The following DENND6A variants were observed in gnomAD, a reference collection of about 807,000 sequenced individuals.
DENND6A encodes protein DENND6A.
A neutral mutation model predicts 95.5 loss-of-function variants in DENND6A; 43 were observed. The observed-to-expected ratio is 0.45, with a 90% CI of 0.35 to 0.58. The LOEUF (loss-of-function observed/expected upper bound fraction) is 0.58. DENND6A is among the 20% of genes least tolerant of loss of function. The pLI is 0.00. For synonymous variants in DENND6A, 257 were observed against 260.4 expected (o/e 0.99, Z 0.13); for missense variants, 574 against 736.0 (o/e 0.78, Z 2.55).
chr3:57,669,157 C>T (rs376476185), intron 3 of DENND6A, among the ~76,000 whole-genome samples: 6 of 152,270 alleles, frequency 3.9e-5, no homozygotes, highest in African/African-American at 1.4e-4. Flanking sequence ...CAGGTGTGAG[C>T]AACTGCACCC....
At chr3:57,691,263 ATC>A (rs113226025) in intron 1 of DENND6A, among the ~76,000 whole-genome samples, 83 of 152,310 alleles carry the variant, frequency 5.4e-4, no homozygotes, top group African/African-American at 1.9e-3. Flanking sequence ...TGGCTTATAA[ATC>A]TCTTACTCAA....
intron 5 of DENND6A, among the ~76,000 whole-genome samples, chr3:57,663,151 C>CAAA (rs754194795): frequency 7.5e-5 from 3 of 40,114 alleles, no homozygotes; most frequent in Admixed American, 3.1e-4. Context: ...AACTCCATAT[C>CAAA]AAAAAAAAAA....
chr3:57,683,109 C>A (rs575389541), intron 1 of DENND6A, among the ~76,000 whole-genome samples: 238 of 152,244 alleles, frequency 1.6e-3, no homozygotes, highest in African/African-American at 5.3e-3. Context: ...CAAATGGTCC[C>A]AGTGCTCCTA....
At chr3:57,680,715 CAAAT>C (rs1464196090) in intron 1 of DENND6A, among the ~76,000 whole-genome samples, 5 of 152,054 alleles carry the variant, frequency 3.3e-5, no homozygotes, top group Non-Finnish European at 7.4e-5. Flanking sequence ...AATAAAAAGA[CAAAT>C]AACCCAATTT....
chr3:57,677,770 T>C (rs935445903), intron 1 of DENND6A, among the ~76,000 whole-genome samples: 1 of 152,274 alleles, frequency 6.6e-6, no homozygotes, highest in South Asian at 2.1e-4. Context: ...GGTTGCTTTT[T>C]TTCCTTGATG....
chr3:57,640,254 G>T (rs184981416), intron 12 of DENND6A, among the ~76,000 whole-genome samples: 1 of 148,154 alleles, frequency 6.7e-6, no homozygotes, highest in East Asian at 2.0e-4. Context: ...GGGTGACAGA[G>T]TGAGACTCTG....
At chr3:57,633,509 T>C (rs1001442336) in intron 14 of DENND6A, among the ~76,000 whole-genome samples, 155 bp from the exon 15 acceptor site, 2 of 152,226 alleles carry the variant, frequency 1.3e-5, no homozygotes, top group African/African-American at 2.4e-5. Flanking sequence ...AAGTTCATTG[T>C]GCAATATCCT....
chr3:57,680,353 G>A (rs1186465696), intron 1 of DENND6A, among the ~76,000 whole-genome samples: 3 of 152,214 alleles, frequency 2.0e-5, no homozygotes, highest in South Asian at 2.1e-4. Context: ...AGGTGATAGC[G>A]GTATTAGGAG....
chr3:57,652,397 G>C (rs908353209), intron 9 of DENND6A, among the ~76,000 whole-genome samples: 1 of 152,208 alleles, frequency 6.6e-6, no homozygotes, highest in South Asian at 2.1e-4. Context: ...GCCTTGTAGG[G>C]AAGCAGACTC....
chr3:57,657,645 A>G, intron 9 of DENND6A, 35 bp downstream of exon 9: 2 of 1,391,766 alleles, frequency 1.4e-6, no homozygotes, highest in Non-Finnish European at 2.0e-6. Context: ...CACAAAGCAA[A>G]AGGAAGTCAG....
At chr3:57,684,762 CAAAT>C (rs1410457701) in intron 1 of DENND6A, among the ~76,000 whole-genome samples, 1 of 152,044 alleles carries the variant, frequency 6.6e-6, no homozygotes. Context: ...GACCCTGTCT[CAAAT>C]AAATAAATAA....
At chr3:57,687,237 T>C (rs1192845689) in intron 1 of DENND6A, among the ~76,000 whole-genome samples, 1 of 152,224 alleles carries the variant, frequency 6.6e-6, no homozygotes, top group Non-Finnish European at 1.5e-5. Context: ...ACAGCCTTAC[T>C]GCTAATGTGG....
At chr3:57,668,006 C>T (rs148882421) in intron 3 of DENND6A, among the ~76,000 whole-genome samples, 20 of 151,674 alleles carry the variant, frequency 1.3e-4, no homozygotes, top group African/African-American at 4.8e-4. Flanking sequence ...GCAGAGGTTG[C>T]AGTGAGCCGA....
At chr3:57,630,691 G>A (rs1404934916) in intron 17 of DENND6A, 24 bp downstream of exon 17, 2 of 1,604,284 alleles carry the variant, frequency 1.2e-6, no homozygotes, top group Non-Finnish European at 1.7e-6. Context: ...ACACATGGGT[G>A]TAAAACAGGG....
At position 57,681,802 on chromosome 3, in the gene DENND6A, A is replaced by G. The variant is rs1274852697; in HGVS notation, c.238-9364T>C. On this transcript the variant is annotated intron_variant, in intron 1 of 19. Coordinates refer to ENST00000311128, the MANE Select transcript of DENND6A (RefSeq NM_152678.3). ...GAACGTATATGATTCCACTCCCATG[A>G]AAAGCATACAGACAGAAGCTTATTA... Among the ~76,000 whole-genome samples, 6 of 152,254 alleles carry G rather than the reference A, an allele frequency of 3.9e-5. No homozygotes were observed. The East Asian group carries it at 1.2e-3, about 29-fold the overall frequency.
At chr3:57,672,774 C>A (rs2071639396) in intron 1 of DENND6A, among the ~76,000 whole-genome samples, 1 of 149,062 alleles carries the variant, frequency 6.7e-6, no homozygotes. Flanking sequence ...CAGAGCAAGA[C>A]CCCGTCTCAA....
At chr3:57,649,608 A>C (rs2071152724) in intron 9 of DENND6A, among the ~76,000 whole-genome samples, 1 of 151,058 alleles carries the variant, frequency 6.6e-6, no homozygotes, top group Admixed American at 6.6e-5. Flanking sequence ...GAACAAGCCC[A>C]AATGCCCATC....
intron 11 of DENND6A, among the ~76,000 whole-genome samples, chr3:57,644,164 A>C (rs114826278): frequency 0.034 from 5,135 of 151,936 alleles, 121 homozygotes; most frequent in Non-Finnish European, 0.046. Context: ...AAAAAAAAAA[A>C]AAACTATCAG....
intron 1 of DENND6A, among the ~76,000 whole-genome samples, chr3:57,690,882 C>T (rs564652834): frequency 1.1e-4 from 16 of 152,250 alleles, no homozygotes; most frequent in Admixed American, 8.5e-4. Flanking sequence ...TACATGATTT[C>T]ATCTTACTCA....
Sources: gnomAD v4.1 joint callset for allele counts (sites outside exome capture counted in the v4.1 genomes callset) on GRCh38, gnomAD v4.1.1 for gene constraint, MANE v1.5 for transcripts, NCBI Gene and HGNC (gene_info 2026-07-23, HGNC 2026-07-21) for gene names.